BICRAL: variants seen among roughly 807,000 people sequenced by gnomAD.
BICRAL encodes BRD4-interacting chromatin-remodeling complex-associated protein-like.
Under a neutral mutation model 91.8 loss-of-function variants are expected in BICRAL, and 8 were observed. That is an observed-to-expected ratio of 0.09 (90% CI 0.05 to 0.16). BICRAL has a LOEUF of 0.16. BICRAL is among the 10% of genes least tolerant of loss of function. BICRAL has a pLI of 1.00. For missense variants in BICRAL, 1,038 were observed against 1,310.9 expected (o/e 0.79, Z 3.21); for synonymous variants, 445 against 491.1 (o/e 0.91, Z 1.24).
intron 1 of BICRAL, among the ~76,000 whole-genome samples, chr6:42,751,108 A>G (rs1045085938): frequency 4.0e-5 from 6 of 150,968 alleles, no homozygotes; most frequent in African/African-American, 1.2e-4. Flanking sequence ...TAAGGATCCA[A>G]ACAAGTTCCA....
intron 5 of BICRAL, among the ~76,000 whole-genome samples, chr6:42,823,228 C>T (rs1764195115): frequency 6.6e-6 from 1 of 152,092 alleles, no homozygotes; most frequent in South Asian, 2.1e-4. Flanking sequence ...CAGGCTGAAG[C>T]GATCCTCCCA....
At chr6:42,821,941 T>C in intron 2 of BICRAL, 77 bp from the exon 3 acceptor site, 2 of 812,120 alleles carry the variant, frequency 2.5e-6, no homozygotes, top group South Asian at 3.2e-5. Context: ...GTGTAAGGCA[T>C]ACTTTTGTAT....
intron 1 of BICRAL, among the ~76,000 whole-genome samples, chr6:42,796,241 T>A (rs1763410410): frequency 1.3e-5 from 2 of 152,130 alleles, no homozygotes; most frequent in Admixed American, 1.3e-4. Context: ...CGGGGAGTGC[T>A]GGGGTGTGGG....
intron 1 of BICRAL, among the ~76,000 whole-genome samples, chr6:42,771,841 A>G (rs892204398): frequency 5.9e-5 from 9 of 152,106 alleles, no homozygotes; most frequent in African/African-American, 2.2e-4. Context: ...AATTGTAATC[A>G]GAAAAGAAAA....
In BICRAL at chr6:42,864,846, AG is replaced by A; in HGVS notation, c.2641del (p.Val881CysfsTer24). On this transcript the variant is annotated frameshift_variant, in exon 13 of 13. Coordinates refer to ENST00000314073, the MANE Select transcript of BICRAL (RefSeq NM_001393499.1). LOFTEE classifies it high-confidence loss of function. ...CCATGAATCATGACCAGTTTCATCT[AG>A]TGCCTAATCACATCGTGGTCTCTGC... Reference protein sequence around the residue: ...EPMNHDQFHLVPNHIVVSAEG... With the variant: ...EPMNHDQFHLXPNHIVVSAEG... 2 of 1,614,210 alleles carry A rather than the reference AG, an allele frequency of 1.2e-6. No individual in the cohort carries two copies.
rs1762355381 is a variant in BICRAL at position 42,750,265 on chromosome 6, A to ATCCTTCC, written c.-261+3243_-261+3249dup. On this transcript the variant is annotated intron_variant, in intron 1 of 14. Transcript: ENST00000614467. ...AGTCTTGACCTCCCAGGCTGAAGTG[A>ATCCTTCC]TCCTTCCACCTTAGCCTCCTGAGTA... Among the ~76,000 whole-genome samples, 9 of 151,576 alleles carry ATCCTTCC rather than the reference A, an allele frequency of 5.9e-5. 1 individual carries two copies. The South Asian group carries it at 1.9e-3, about 31-fold the overall frequency.
intron 2 of BICRAL, among the ~76,000 whole-genome samples, chr6:42,818,677 G>A (rs532312272): frequency 1.3e-5 from 2 of 151,754 alleles, no homozygotes; most frequent in South Asian, 4.2e-4. Context: ...TCTCCCATGA[G>A]TTATTCTATT....
chr6:42,838,229 C>T (rs555725330), intron 6 of BICRAL, among the ~76,000 whole-genome samples: 294 of 152,302 alleles, frequency 1.9e-3, no homozygotes, highest in African/African-American at 6.0e-3. Flanking sequence ...AACAGTTTTT[C>T]ACTTTAGAAT....
At chr6:42,822,739 A>G in intron 3 of BICRAL, 57 bp from the exon 4 acceptor site, 3 of 935,504 alleles carry the variant, frequency 3.2e-6, no homozygotes, top group Admixed American at 2.0e-5. Context: ...AATTAGTTCT[A>G]AATATAGATA....
intron 1 of BICRAL, among the ~76,000 whole-genome samples, chr6:42,751,864 T>G (rs895827948): frequency 5.9e-5 from 9 of 151,480 alleles, no homozygotes; most frequent in Non-Finnish European, 1.2e-4. Flanking sequence ...TCCATGTTGG[T>G]CAGGCTGGTC....
At chr6:42,795,789 G>A (rs568117774) in intron 1 of BICRAL, among the ~76,000 whole-genome samples, 7 of 152,038 alleles carry the variant, frequency 4.6e-5, no homozygotes, top group African/African-American at 1.2e-4. Context: ...TTTTCTAAGC[G>A]GAATGTCTTG....
chr6:42,767,039 CAAAAA>C (rs575028938), intron 1 of BICRAL, among the ~76,000 whole-genome samples: 1 of 91,220 alleles, frequency 1.1e-5, no homozygotes. Flanking sequence ...GACTCCATCT[CAAAAA>C]AAAAAAAAAA....
intron 1 of BICRAL, among the ~76,000 whole-genome samples, chr6:42,806,899 T>G (rs1582833071): frequency 6.6e-6 from 1 of 152,144 alleles, no homozygotes; most frequent in East Asian, 1.9e-4. Flanking sequence ...GGCACGATCT[T>G]GGCTCACTGC....
intron 1 of BICRAL, among the ~76,000 whole-genome samples, chr6:42,791,064 TGAG>T (rs1361422165): frequency 6.6e-6 from 1 of 151,980 alleles, no homozygotes; most frequent in Non-Finnish European, 1.5e-5. Context: ...GTAGTGCAGT[TGAG>T]GAGAGCTCAG....
At chr6:42,788,118 C>G (rs969613638) in intron 1 of BICRAL, among the ~76,000 whole-genome samples, 3 of 150,722 alleles carry the variant, frequency 2.0e-5, no homozygotes, top group Admixed American at 2.0e-4. Context: ...AAGAAGAAGG[C>G]TTTTCTTTTA....
At chr6:42,806,014 C>T (rs56033456) in intron 1 of BICRAL, among the ~76,000 whole-genome samples, 1 of 149,824 alleles carries the variant, frequency 6.7e-6, no homozygotes, top group Admixed American at 6.7e-5. Flanking sequence ...AAAAAAAAAA[C>T]GAAGGAAGAA....
chr6:42,770,809 G>C (rs956673086), intron 1 of BICRAL, among the ~76,000 whole-genome samples: 36 of 151,926 alleles, frequency 2.4e-4, no homozygotes, highest in African/African-American at 8.2e-4. Context: ...TCCTGCCTCA[G>C]CCTACCGTGT....
chr6:42,839,915 C>T (rs541247705), intron 6 of BICRAL, among the ~76,000 whole-genome samples: 1 of 152,020 alleles, frequency 6.6e-6, no homozygotes, highest in Non-Finnish European at 1.5e-5. Flanking sequence ...CAGCCATTCC[C>T]GAAGGAGCCT....
At position 42,829,270 on chromosome 6, in the gene BICRAL, A is replaced by G; in HGVS notation, c.937A>G (p.Ile313Val). Reference protein sequence around the residue: ...APNSNKVPINIQPKPIQMGQQ... With the variant: ...APNSNKVPINVQPKPIQMGQQ... ...AAATTCAAATAAAGTCCCAATTAATATACAGCCAAAGCCTATCCAGATGGG... is the reference window on the plus strand; with the variant it reads ...AAATTCAAATAAAGTCCCAATTAATGTACAGCCAAAGCCTATCCAGATGGG... Residue 313 changes from isoleucine (I) to valine (V), a missense_variant, in exon 6 of 13, where the codon ATA (isoleucine) becomes GTA (valine). By Grantham distance (29) the Ile-to-Val change is conservative (BLOSUM62 3). Around this residue, in one of 5 missense-constraint regions of BICRAL, gnomAD observed 532 missense variants for 724.9 expected, o/e 0.73. Transcript: ENST00000314073. 2 of 1,614,228 alleles carry G rather than the reference A, an allele frequency of 1.2e-6. No homozygotes were observed. The highest frequency in any genetic ancestry group is 1.7e-6 in the Non-Finnish European group (2 of 1,180,010).
Sources: allele counts gnomAD v4.1 joint callset (sites outside exome capture counted in the v4.1 genomes callset), GRCh38; gene constraint gnomAD v4.1.1; regional missense constraint gnomAD v4.1.1; transcripts MANE v1.5; gene names NCBI Gene and HGNC (gene_info 2026-07-23, HGNC 2026-07-21).